The following RPH3A variants were observed in gnomAD, a reference collection of about 807,000 sequenced individuals.
RPH3A encodes rabphilin-3A.
Under a neutral mutation model 102.2 loss-of-function variants are expected in RPH3A, and 48 were observed. That is an observed-to-expected ratio of 0.47 (90% CI 0.37 to 0.60). RPH3A has a LOEUF of 0.60. Among genes scored for constraint, RPH3A ranks in the 20% least tolerant of loss-of-function variants. The pLI, the probability that RPH3A is intolerant of heterozygous loss-of-function variation, is 0.00. For missense variants in RPH3A, 781 were observed against 910.1 expected (o/e 0.86, Z 1.83); for synonymous variants, 310 against 324.3 (o/e 0.96, Z 0.47).
At chr12:112,635,548 C>T (rs1352731955) in intron 1 of RPH3A, among the ~76,000 whole-genome samples, 1 of 151,756 alleles carries the variant, frequency 6.6e-6, no homozygotes, top group African/African-American at 2.4e-5. Flanking sequence ...TTTTTATATG[C>T]AGACATGACA....
intron 1 of RPH3A, among the ~76,000 whole-genome samples, chr12:112,636,374 G>A (rs1375825763): frequency 6.6e-6 from 1 of 152,176 alleles, no homozygotes; most frequent in Non-Finnish European, 1.5e-5. Context: ...TGTCTGGCTA[G>A]GTGAACTTGT....
Position 112,809,509 on chromosome 12 carries a change from C to T in RPH3A, c.-19+17246C>T, listed in dbSNP as rs111573242. ...TATAAATTCAAACCTTATGGGCTGT[C>T]GTTGGCAATGAGGACTTCACGCTAG... On this transcript the variant is annotated intron_variant, in intron 2 of 21. Transcript: ENST00000389385. 1.2e-4 allele frequency among the ~76,000 whole-genome samples: 19 copies of T among 152,204 alleles called. 1 individual carries two copies. Among genetic ancestry groups the T allele is most frequent in the African/African-American group, 3.9e-4 (16 of 41,506 alleles).
chr12:112,716,199 T>G (rs1399566960), intron 1 of RPH3A, among the ~76,000 whole-genome samples: 1 of 152,226 alleles, frequency 6.6e-6, no homozygotes, highest in Non-Finnish European at 1.5e-5. Flanking sequence ...GTATCTTGTG[T>G]TGACCTCCTA....
intron 1 of RPH3A, among the ~76,000 whole-genome samples, chr12:112,717,488 A>T (rs190860073): frequency 3.9e-5 from 6 of 152,240 alleles, no homozygotes; most frequent in Admixed American, 3.3e-4. Context: ...TATATAATAT[A>T]TATGTAATAT....
At chr12:112,875,424 C>T (rs1365802434) in intron 11 of RPH3A, among the ~76,000 whole-genome samples, 1 of 152,074 alleles carries the variant, frequency 6.6e-6, no homozygotes, top group African/African-American at 2.4e-5. Flanking sequence ...GCCAGTGTTT[C>T]CCACCTCAAG....
At chr12:112,722,644 G>A (rs777268937) in intron 1 of RPH3A, among the ~76,000 whole-genome samples, 2 of 152,200 alleles carry the variant, frequency 1.3e-5, no homozygotes, top group Non-Finnish European at 2.9e-5. Context: ...GGGAGGCTGG[G>A]CCAAATGGGA....
chr12:112,670,767 T>A lies in RPH3A; in HGVS notation c.-140+95448T>A, dbSNP rs111564953. Among the ~76,000 whole-genome samples, 361 of 152,290 alleles carry A rather than the reference T, an allele frequency of 2.4e-3. 5 individuals carry two copies. Among genetic ancestry groups the A allele is most frequent in the Non-Finnish European group, 3.5e-3 (235 of 68,024 alleles). On this transcript the variant is annotated intron_variant, in intron 1 of 21. Coordinates refer to the RPH3A transcript ENST00000543106. The stretch of plus-strand genomic sequence containing the variant: ...ATTTCAAGCTTGTTCTCAGTGACAG[T>A]TCTCAAGAGAGAACAAAAGCACACA...
At chr12:112,809,357 C>A (rs1296063518) in intron 2 of RPH3A, among the ~76,000 whole-genome samples, 2 of 152,032 alleles carry the variant, frequency 1.3e-5, no homozygotes, top group Non-Finnish European at 2.9e-5. Flanking sequence ...TCTGGGGCCA[C>A]AAGAACCCTC....
chr12:112,640,404 C>T (rs1217348354), intron 1 of RPH3A, among the ~76,000 whole-genome samples: 1 of 136,604 alleles, frequency 7.3e-6, no homozygotes, highest in East Asian at 2.6e-4. Context: ...ACCTTAACCA[C>T]TGTACTACAC....
intron 1 of RPH3A, among the ~76,000 whole-genome samples, chr12:112,780,151 C>T (rs984065921): frequency 1.3e-5 from 2 of 152,112 alleles, no homozygotes; most frequent in African/African-American, 4.8e-5. Context: ...TTTATGTAAC[C>T]AGCACTCTCA....
Position 112,602,555 on chromosome 12 carries a change from A to G in RPH3A, c.-140+27236A>G, listed in dbSNP as rs2039566941. 2.0e-5 allele frequency among the ~76,000 whole-genome samples: 3 copies of G among 152,166 alleles called. 1 individual carries two copies. The South Asian group carries it at 6.2e-4, about 31-fold the overall frequency. ...AACTTAGTAGGGGCAGGGCTAAGAC[A>G]AGTCATGGTATGTGTCAAGGCTCCC... On this transcript the variant is annotated intron_variant, in intron 1 of 21. Coordinates refer to the RPH3A transcript ENST00000543106.
intron 1 of RPH3A, among the ~76,000 whole-genome samples, chr12:112,682,357 T>C (rs1281095493): frequency 3.7e-5 from 1 of 27,324 alleles, no homozygotes; most frequent in Non-Finnish European, 1.0e-4. Flanking sequence ...CTTTCTTTCT[T>C]TTTTTTTTTT....
chr12:112,757,299 C>T (rs1389964045), intron 1 of RPH3A, among the ~76,000 whole-genome samples: 1 of 152,228 alleles, frequency 6.6e-6, no homozygotes. Flanking sequence ...ATGGACAGCT[C>T]TGCAAGAGGC....
intron 1 of RPH3A, among the ~76,000 whole-genome samples, chr12:112,770,128 T>C (rs1347030730): frequency 6.6e-6 from 1 of 152,184 alleles, no homozygotes; most frequent in East Asian, 1.9e-4. Context: ...ATAATACAGA[T>C]GTATCATGAC....
At chr12:112,770,090 A>C (rs921787216) in intron 1 of RPH3A, among the ~76,000 whole-genome samples, 5 of 152,054 alleles carry the variant, frequency 3.3e-5, no homozygotes, top group African/African-American at 9.7e-5. Context: ...TGTATTTCTG[A>C]TATTGTTAAA....
At position 112,737,846 on chromosome 12, in the gene RPH3A, C is replaced by G. The variant is rs368057070; in HGVS notation, c.-139-54297C>G. Reference sequence around the variant, plus strand: ...AGTGTTGTCCATGACCGGTGCTGGTCCGTAAACTGTTGCTGGTCTGTGAGG... The same window carrying G: ...AGTGTTGTCCATGACCGGTGCTGGTGCGTAAACTGTTGCTGGTCTGTGAGG... On this transcript the variant is annotated intron_variant, in intron 1 of 21. Transcript: ENST00000543106. 1.7e-4 allele frequency among the ~76,000 whole-genome samples: 26 copies of G among 152,272 alleles called. No individual in the cohort carries two copies. The East Asian group carries it at 1.7e-3, about 10-fold the overall frequency.
rs566481321 is a variant in RPH3A at position 112,894,478 on chromosome 12, A to T, written c.1776-100A>T. On this transcript the variant is annotated intron_variant, in intron 19 of 21. Coordinates refer to ENST00000389385, the MANE Select transcript of RPH3A (RefSeq NM_001143854.2). The stretch of plus-strand genomic sequence containing the variant: ...ATCAATGTTGATCCCTTTCTGATTT[A>T]TTCATCAATTCACCCTGATAAAGAA... 9.6e-5 allele frequency: 96 copies of T among 997,428 alleles called. 1 individual carries two copies. The highest frequency in any genetic ancestry group is 9.4e-4 in the South Asian group (65 of 69,276). 61.8% of individuals were successfully genotyped at this position (997,428 alleles called of 1,614,324 possible). A position where few individuals can be genotyped will look rare whatever the true frequency, so the allele number is the denominator to read the frequency against.
At chr12:112,796,846 T>C (rs1343062855) in intron 2 of RPH3A, among the ~76,000 whole-genome samples, 1 of 152,116 alleles carries the variant, frequency 6.6e-6, no homozygotes, top group East Asian at 1.9e-4. Flanking sequence ...GGTCAGGAGT[T>C]CAAGACCAGC....
Position 112,885,487 on chromosome 12 carries a change from A to G in RPH3A, c.1436+2085A>G, listed in dbSNP as rs917414426. Among the ~76,000 whole-genome samples the G allele has an allele frequency of 3.9e-5, 6 of 152,244 alleles. No homozygotes were observed. In the East Asian group the frequency reaches 9.6e-4, roughly 24 times the overall value. On this transcript the variant is annotated intron_variant, in intron 16 of 21. Transcript: ENST00000389385. ...CACTATTACATTTTGTGGTTATTTCATAATTTTCTTAAGCAGTTCCTCCAT... is the reference window on the plus strand; with the variant it reads ...CACTATTACATTTTGTGGTTATTTCGTAATTTTCTTAAGCAGTTCCTCCAT...
Sources: gnomAD v4.1 joint callset for allele counts (sites outside exome capture counted in the v4.1 genomes callset) on GRCh38, gnomAD v4.1.1 for gene constraint, MANE v1.5 for transcripts, NCBI Gene and HGNC (gene_info 2026-07-23, HGNC 2026-07-21) for gene names.